RYR1: variants seen among roughly 807,000 people sequenced by gnomAD.
RYR1 encodes central core disease of muscle.
Under a neutral mutation model 583.5 loss-of-function variants are expected in RYR1, and 342 were observed. The observed-to-expected ratio is 0.59, with a 90% CI of 0.54 to 0.64. The LOEUF is 0.64. Among genes scored for constraint, RYR1 ranks in the 30% least tolerant of loss-of-function variants. The pLI is 0.00. For missense variants in RYR1, 6,032 were observed against 6,917.2 expected, an observed-to-expected ratio of 0.87 and a Z score of 4.54; for synonymous variants, 2,791 against 2,822.5, an observed-to-expected ratio of 0.99 and a Z score of 0.35.
chr19:38,516,860 G>T (rs1970994863), intron 65 of RYR1, among the ~76,000 whole-genome samples: 1 of 152,102 alleles, frequency 6.6e-6, no homozygotes, highest in South Asian at 2.1e-4. Flanking sequence ...GTGTGGACCT[G>T]GGGGAAATAT....
rs193922831 is a variant in RYR1, at chr19:38,506,361, T to G, written c.8600T>G (p.Leu2867Arg). 6.2e-7 allele frequency: 1 copy of G among 1,613,698 alleles called. No homozygotes were observed. The highest frequency in any genetic ancestry group is 1.1e-5 in the South Asian group (1 of 91,060). The change falls in exon 55 of 106, where the codon CTG becomes CGG. Residue 2867 changes from leucine (L) to arginine (R), a missense_variant. Leu to Arg is a moderately radical substitution (Grantham distance 102, BLOSUM62 -2). Coordinates refer to ENST00000359596, the MANE Select transcript of RYR1 (RefSeq NM_000540.3). The stretch of plus-strand genomic sequence containing the variant: ...CCCCCCGACCTTAGTGCTGTTACCC[T>G]GTCCCGGGAGCTGCAGGTGAGAGCC... ...PQPPDLSAVT[L>R]SRELQAMAEQ...
At chr19:38,585,181 C>T in intron 102 of RYR1, 82 bp downstream of exon 102, 2 of 1,512,128 alleles carry the variant, frequency 1.3e-6, no homozygotes, top group South Asian at 1.2e-5. Context: ...TCCAGTCGGC[C>T]TGCATTCATA....
chr19:38,514,960 G>A, intron 63 of RYR1, 66 bp from the exon 64 acceptor site: 1 of 1,074,236 alleles, frequency 9.3e-7, no homozygotes. Flanking sequence ...TTGAGACAAG[G>A]GAGGTGGGGT....
intron 39 of RYR1, among the ~76,000 whole-genome samples, chr19:38,495,098 CGCCTCG>C (rs935716833): frequency 6.6e-6 from 1 of 151,910 alleles, no homozygotes; most frequent in Non-Finnish European, 1.5e-5. Flanking sequence ...GTGATCCACC[CGCCTCG>C]GCCTCCCAAA....
chr19:38,450,007 G>C (rs1966994855), intron 11 of RYR1, among the ~76,000 whole-genome samples: 2 of 152,194 alleles, frequency 1.3e-5, no homozygotes, highest in South Asian at 4.1e-4. Flanking sequence ...AGATTAAAGT[G>C]AAGTGTGAGC....
chr19:38,542,944 C>T (rs971274380), intron 84 of RYR1, among the ~76,000 whole-genome samples: 5 of 152,060 alleles, frequency 3.3e-5, no homozygotes, highest in East Asian at 1.9e-4. Flanking sequence ...GGGGTTGAAG[C>T]GATTCTCCTG....
intron 60 of RYR1, 75 bp from the exon 61 acceptor site, chr19:38,511,486 G>A: frequency 2.0e-6 from 3 of 1,471,376 alleles, no homozygotes; most frequent in Non-Finnish European, 2.8e-6. Context: ...CCTCTAATTG[G>A]GTCACGCTGT....
intron 84 of RYR1, among the ~76,000 whole-genome samples, chr19:38,541,326 A>G (rs575622841): frequency 6.6e-6 from 1 of 152,334 alleles, no homozygotes; most frequent in South Asian, 2.1e-4. Flanking sequence ...AAAAGAACAG[A>G]ATGCATGGCA....
chr19:38,512,289 G>T lies in RYR1; in HGVS notation c.9278G>T (p.Arg3093Leu). ...CCTGAGATCGTGAAGGCTGGCCTCC[G>T]CTCCTTCTTCGAGAGTGCCTCGGAG... Reference protein sequence around the residue: ...SGPEIVKAGLRSFFESASEDI... With the variant: ...SGPEIVKAGLLSFFESASEDI... The change falls in exon 63 of 106, where the codon CGC becomes CTC. Residue 3093 changes from arginine to leucine, a missense_variant. Coordinates refer to ENST00000359596, the MANE Select transcript of RYR1 (RefSeq NM_000540.3). The surrounding 1 kb of genome is among the most constrained non-coding windows in gnomAD (Gnocchi z 5.1). 1.9e-6 allele frequency: 3 copies of T among 1,614,222 alleles called. No individual in the cohort carries two copies. The highest frequency in any genetic ancestry group is 2.5e-6 in the Non-Finnish European group (3 of 1,180,042).
chr19:38,504,903 G>A lies in RYR1; in HGVS notation c.8223G>A (p.Glu2741=). 6.2e-7 allele frequency: 1 copy of A among 1,614,158 alleles called. No homozygotes were observed. Among genetic ancestry groups the A allele is most frequent in the Non-Finnish European group, 8.5e-7 (1 of 1,180,014 alleles). Residue 2741 remains glutamate, a synonymous_variant, in exon 51 of 106, where the codon GAG becomes GAA. Transcript: ENST00000359596. The part of the protein sequence containing the change: ...AEGNFDPRPV[E]TLNVIIPEKL... ...GCAACTTTGATCCCCGGCCTGTGGA[G>A]ACCCTCAAGTGAGGCCTGGGGGCTG...
chr19:38,490,315 A>G, intron 36 of RYR1, 39 bp downstream of exon 36: 1 of 1,580,410 alleles, frequency 6.3e-7, no homozygotes, highest in Non-Finnish European at 8.6e-7. Flanking sequence ...TTACTGTCTA[A>G]ACCCCAACCT....
intron 54 of RYR1, 107 bp from the exon 55 acceptor site, chr19:38,506,195 AG>A: frequency 1.2e-6 from 1 of 868,224 alleles, no homozygotes. Context: ...GTCTTGAGCC[AG>A]GGGAGGGTGG....
intron 88 of RYR1, among the ~76,000 whole-genome samples, chr19:38,547,048 T>G (rs1313758090): frequency 4.0e-5 from 6 of 151,482 alleles, no homozygotes; most frequent in Non-Finnish European, 8.8e-5. Context: ...TTTTTTTTTT[T>G]TCTTTTCTGA....
Position 38,570,594 on chromosome 19 carries a change from T to C in RYR1, c.13660-13T>C. The C allele has an allele frequency of 6.2e-7, 1 of 1,608,932 alleles. No individual in the cohort carries two copies. Among genetic ancestry groups the C allele is most frequent in the Non-Finnish European group, 8.5e-7 (1 of 1,175,254 alleles). On this transcript the variant is annotated splice_polypyrimidine_tract_variant and intron_variant, in intron 93 of 105. Coordinates refer to ENST00000359596, the MANE Select transcript of RYR1 (RefSeq NM_000540.3). ...TCTGTGAGCGCTTTCTCTCTTTTTCTCTTCTCTCTCAGAACTACCTGTCCC... is the reference window on the plus strand; with the variant it reads ...TCTGTGAGCGCTTTCTCTCTTTTTCCCTTCTCTCTCAGAACTACCTGTCCC...
intron 84 of RYR1, 22 bp downstream of exon 84, chr19:38,537,982 TGGAGG>T: frequency 7.9e-7 from 1 of 1,262,892 alleles, no homozygotes; most frequent in Non-Finnish European, 1.1e-6. Flanking sequence ...GGGTGTGGGG[TGGAGG>T]GGAAGCCGAG....
chr19:38,532,588 CTG>C, intron 77 of RYR1, 47 bp downstream of exon 77: 1 of 1,613,570 alleles, frequency 6.2e-7, no homozygotes, highest in South Asian at 1.1e-5. Flanking sequence ...CTCTCCCCAC[CTG>C]CAGTGCTTGT....
rs770933242 is a variant in RYR1, at chr19:38,446,458, T to C, written c.632-14T>C. 1.9e-6 allele frequency: 3 copies of C among 1,608,446 alleles called. No homozygotes were observed. Among genetic ancestry groups the C allele is most frequent in the South Asian group, 2.2e-5 (2 of 90,982 alleles). Reference sequence around the variant, plus strand: ...CCAGCCTCCCATTGACCAACTTCCCTTGCTCCTCTCCAGGCTTCGTGACGG... The same window carrying C: ...CCAGCCTCCCATTGACCAACTTCCCCTGCTCCTCTCCAGGCTTCGTGACGG... On this transcript the variant is annotated splice_polypyrimidine_tract_variant and intron_variant, in intron 7 of 105. Coordinates refer to ENST00000359596, the MANE Select transcript of RYR1 (RefSeq NM_000540.3).
chr19:38,534,334 C>CA (rs1359824824), intron 78 of RYR1, among the ~76,000 whole-genome samples: 2 of 152,124 alleles, frequency 1.3e-5, no homozygotes, highest in Non-Finnish European at 2.9e-5. Flanking sequence ...TTATTGGTGA[C>CA]AAAGCCACAG....
At position 38,565,078 on chromosome 19, in the gene RYR1, G is replaced by A. The variant is rs1302817442; in HGVS notation, c.12744G>A (p.Ala4248=). 2 of 1,557,490 alleles carry A rather than the reference G, an allele frequency of 1.3e-6. No homozygotes were observed. Among genetic ancestry groups the A allele is most frequent in the South Asian group, 1.2e-5 (1 of 84,710 alleles). Residue 4248 remains alanine, a synonymous_variant, in exon 91 of 106, where the codon GCG becomes GCA. Coordinates refer to ENST00000359596, the MANE Select transcript of RYR1 (RefSeq NM_000540.3). This position sits in a 1 kb window ranked among gnomAD's most constrained non-coding sequence, Gnocchi z 4.7. Reference sequence around the variant, plus strand: ...CCATCTTCGAGATGCAGATCGCCGCGCAGATCTCGGAGCCCGAGGGCGAGC... The same window carrying A: ...CCATCTTCGAGATGCAGATCGCCGCACAGATCTCGGAGCCCGAGGGCGAGC... ...EDTIFEMQIA[A]QISEPEGEPE...
Sources: gnomAD v4.1 joint callset for allele counts (sites outside exome capture counted in the v4.1 genomes callset) on GRCh38, gnomAD v4.1.1 for gene constraint, Gnocchi (gnomAD v3.1) non-coding constraint, MANE v1.5 for transcripts, NCBI Gene and HGNC (gene_info 2026-07-23, HGNC 2026-07-21) for gene names.